SEPTIN1: variants seen among roughly 807,000 people sequenced by gnomAD.
The protein encoded by SEPTIN1 is septin 1.
In SEPTIN1, 52 loss-of-function variants were observed where a neutral mutation model predicts 50.7. That is an observed-to-expected ratio of 1.03 (90% CI 0.82 to 1.29). The LOEUF is 1.29. Ranked by LOEUF, SEPTIN1 falls within the 50% of genes most tolerant of loss-of-function variation. SEPTIN1 has a pLI of 0.00. For missense variants in SEPTIN1, 455 were observed against 490.7 expected (o/e 0.93, Z 0.69); for synonymous variants, 204 against 189.1 (o/e 1.08, Z -0.65).
chr16:30,380,945 A>G (rs1422092249), intron 6 of SEPTIN1, 182 bp downstream of exon 6: 3 of 663,086 alleles, frequency 4.5e-6, no homozygotes, highest in African/African-American at 1.8e-5. Context: ...TATGTAGCCT[A>G]TTTTGAGCCT....
rs765950053 is a variant in SEPTIN1 at position 30,381,170 on chromosome 16, G to A, written c.530C>T (p.Ala177Val). 8 of 1,613,966 alleles carry A rather than the reference G, an allele frequency of 5.0e-6. No individual in the cohort carries two copies. Among genetic ancestry groups the A allele is most frequent in the African/African-American group, 1.3e-5 (1 of 74,892 alleles). The change falls in exon 6 of 11, where the codon GCG becomes GTG. Residue 177 changes from alanine (A) to valine (V), a missense_variant. Coordinates refer to ENST00000321367, the MANE Select transcript of SEPTIN1 (RefSeq NM_001365977.2). This position sits in a 1 kb window ranked among gnomAD's most constrained non-coding sequence, Gnocchi z 4.3. Reference sequence around the variant, plus strand: ...GGTTTCCTGGGGCATCAGAGCATCCGCTTTGCCAATGACTGGGATGATGTT... The same window carrying A: ...GGTTTCCTGGGGCATCAGAGCATCCACTTTGCCAATGACTGGGATGATGTT... ...KVNIIPVIGK[A>V]DALMPQETQA...
At chr16:30,380,985 C>T in intron 6 of SEPTIN1, 142 bp downstream of exon 6, 1 of 754,882 alleles carries the variant, frequency 1.3e-6, no homozygotes, top group Non-Finnish European at 2.3e-6. Flanking sequence ...GGCGGCTTAC[C>T]ACCCGCCTTC....
In SEPTIN1 at chr16:30,381,239, C is replaced by A. The variant is rs200056893; in HGVS notation, c.461G>T (p.Arg154Leu). 2 of 1,613,944 alleles carry A rather than the reference C, an allele frequency of 1.2e-6. No homozygotes were observed. Among genetic ancestry groups the A allele is most frequent in the South Asian group, 2.2e-5 (2 of 91,076 alleles). Residue 154 changes from arginine to leucine, a missense_variant, in exon 6 of 11, where the codon CGG (arginine) becomes CTG (leucine). By Grantham distance (102) the Arg-to-Leu change is moderately radical. Coordinates refer to ENST00000321367, the MANE Select transcript of SEPTIN1 (RefSeq NM_001365977.2). This position sits in a 1 kb window ranked among gnomAD's most constrained non-coding sequence, Gnocchi z 4.3. Reference protein sequence around the residue: ...YFISPFGRGLRPLDVAFLRAV... With the variant: ...YFISPFGRGLLPLDVAFLRAV... Reference sequence around the variant, plus strand: ...CCGGAGGAAGGCCACATCTAGGGGCCGGAGCCTGCACCCAGGGATTGGTCA... The same window carrying A: ...CCGGAGGAAGGCCACATCTAGGGGCAGGAGCCTGCACCCAGGGATTGGTCA...
chr16:30,382,484 TG>T lies in SEPTIN1; in HGVS notation c.18+40del. The T allele has an allele frequency of 1.3e-6, 2 of 1,593,800 alleles. No homozygotes were observed. The highest frequency in any genetic ancestry group is 1.7e-6 in the Non-Finnish European group (2 of 1,167,022). On this transcript the variant is annotated intron_variant, in intron 1 of 10. Transcript: ENST00000321367. The surrounding 1 kb of genome is among the most constrained non-coding windows in gnomAD (Gnocchi z 4.8). ...GTCTGGGGACCCCAGGCATGGGGGC[TG>T]GGGGCCGAGATGCCCAGGTTTCTGG...
chr16:30,381,179 A>G lies in SEPTIN1; in HGVS notation c.521T>C (p.Ile174Thr). ...GGGCATCAGAGCATCCGCTTTGCCA[A>G]TGACTGGGATGATGTTGACTTTCTC... ...VHEKVNIIPVIGKADALMPQE... is the reference protein window; with the variant it reads ...VHEKVNIIPVTGKADALMPQE... Residue 174 changes from isoleucine (I) to threonine (T), a missense_variant, in exon 6 of 11, where the codon ATT becomes ACT. Transcript: ENST00000321367. This position sits in a 1 kb window ranked among gnomAD's most constrained non-coding sequence, Gnocchi z 4.3. 6.2e-7 allele frequency: 1 copy of G among 1,614,030 alleles called. No individual in the cohort carries two copies. Among genetic ancestry groups the G allele is most frequent in the Non-Finnish European group, 8.5e-7 (1 of 1,180,000 alleles).
chr16:30,381,382 G>T lies in SEPTIN1; in HGVS notation c.412C>A (p.Arg138=). ...GLNRKNIQDS[R]VHCCLYFISP... is the part of the protein sequence containing the mutation. The stretch of plus-strand genomic sequence containing the variant: ...ATGAAGTAGAGGCAGCAGTGGACTC[G>T]GGAGTCCTGGATGTTCTTCCGGTTC... The change falls in exon 5 of 11, where the codon CGA becomes AGA. Residue 138 remains arginine (R), a synonymous_variant. Coordinates refer to ENST00000321367, the MANE Select transcript of SEPTIN1 (RefSeq NM_001365977.2). This position sits in a 1 kb window ranked among gnomAD's most constrained non-coding sequence, Gnocchi z 4.3. 3 of 1,613,110 alleles carry T rather than the reference G, an allele frequency of 1.9e-6. No homozygotes were observed. Among genetic ancestry groups the T allele is most frequent in the Non-Finnish European group, 2.5e-6 (3 of 1,179,472 alleles).
In SEPTIN1 at chr16:30,378,440, G is replaced by A. The variant is rs1489794410; in HGVS notation, c.1113C>T (p.Ala371=). ...QSQAQGEQSD[A]L ...GGCCGGGCGGGGCGTGGCCTCAGAG[G>A]GCGTCTGACTGCTCGCCCTGGGCCT... Residue 371 remains alanine (A), a synonymous_variant, in exon 11 of 11, where the codon GCC becomes GCT. Coordinates refer to ENST00000321367, the MANE Select transcript of SEPTIN1 (RefSeq NM_001365977.2). 3 of 1,570,858 alleles carry A rather than the reference G, an allele frequency of 1.9e-6. No homozygotes were observed. The highest frequency in any genetic ancestry group is 2.0e-5 in the Admixed American group (1 of 49,996).
intron 9 of SEPTIN1, 148 bp downstream of exon 9, chr16:30,378,870 C>CGGAGAGAG: frequency 4.4e-5 from 5 of 114,420 alleles, no homozygotes; most frequent in Admixed American, 2.1e-4. Context: ...GAGGGAGAGA[C>CGGAGAGAG]GGAGAGAGGG....
chr16:30,381,953 C>A lies in SEPTIN1; in HGVS notation c.197-70G>T. 1 of 1,607,856 alleles carries A rather than the reference C, an allele frequency of 6.2e-7. No homozygotes were observed. The highest frequency in any genetic ancestry group is 1.7e-5 in the Admixed American group (1 of 59,636). On this transcript the variant is annotated intron_variant, in intron 3 of 10. Transcript: ENST00000321367. The surrounding 1 kb of genome is among the most constrained non-coding windows in gnomAD (Gnocchi z 4.3). ...CAGAATTAATTTCCTTTGTCAATAT[C>A]ACAGTTGCCTGCACCCATTTCCCAG... is the stretch of plus-strand genomic sequence containing the variant.
upstream of SEPTIN1, chr16:30,382,776 A>G: frequency 6.5e-7 from 1 of 1,535,892 alleles, no homozygotes; most frequent in Non-Finnish European, 8.7e-7. The surrounding 1 kb of genome is among the most constrained non-coding windows in gnomAD (Gnocchi z 4.8). Flanking sequence ...TCCAAGTCCC[A>G]CTGTAGCTCC....
Position 30,378,594 on chromosome 16 carries a change from C to A in SEPTIN1, c.1032+16G>T, listed in dbSNP as rs377366007. Reference sequence around the variant, plus strand: ...ACCTGGGGCATCGGTCGGGGGGAAGCGAGGTGCGTGCTCACCTCTTCGTCT... The same window carrying A: ...ACCTGGGGCATCGGTCGGGGGGAAGAGAGGTGCGTGCTCACCTCTTCGTCT... On this transcript the variant is annotated intron_variant, in intron 10 of 10. Coordinates refer to ENST00000321367, the MANE Select transcript of SEPTIN1 (RefSeq NM_001365977.2). 94 of 1,610,350 alleles carry A rather than the reference C, an allele frequency of 5.8e-5. No individual in the cohort carries two copies. Among genetic ancestry groups the A allele is most frequent in the Non-Finnish European group, 7.6e-5 (90 of 1,179,298 alleles).
rs750788967 is a variant in SEPTIN1 at position 30,381,465 on chromosome 16, G to A, written c.329C>T (p.Pro110Leu). 9 of 1,614,036 alleles carry A rather than the reference G, an allele frequency of 5.6e-6. No individual in the cohort carries two copies. The highest frequency in any genetic ancestry group is 3.3e-5 in the South Asian group (3 of 91,076). The stretch of plus-strand genomic sequence containing the variant: ...TTGCTCCTCGATGAATTTCACCACC[G>A]GAAGCCAGCTGGGTGTGGGGAGAGG... ...DSVDCSDCWL[P>L]VVKFIEEQFE... is the part of the protein sequence containing the mutation. The change falls in exon 5 of 11, where the codon CCG becomes CTG. Residue 110 changes from proline (P) to leucine (L), a missense_variant. Pro to Leu is a moderately conservative substitution (Grantham distance 98). Transcript: ENST00000321367. The surrounding 1 kb of genome is among the most constrained non-coding windows in gnomAD (Gnocchi z 4.3).
At chr16:30,382,692 T>C (rs779015437), upstream of SEPTIN1, 1 of 1,532,498 alleles carries the variant, frequency 6.5e-7, no homozygotes. The surrounding 1 kb of genome is among the most constrained non-coding windows in gnomAD (Gnocchi z 4.8). Flanking sequence ...ACACTTGGGG[T>C]TGCCACCTCC....
chr16:30,378,346 C>A lies in SEPTIN1; in HGVS notation c.*88G>T. 2 of 1,294,760 alleles carry A rather than the reference C, an allele frequency of 1.5e-6. No homozygotes were observed. The highest frequency in any genetic ancestry group is 1.4e-5 in the South Asian group (1 of 70,512). 80.2% of individuals were successfully genotyped at this position (1,294,760 alleles called of 1,614,324 possible). A position where few individuals can be genotyped will look rare whatever the true frequency, so the allele number is the denominator to read the frequency against. The stretch of plus-strand genomic sequence containing the variant: ...GCGAGGGCGGCACCCGCGGAGGTCC[C>A]GGGGGGCGCTGGGCAGTGTGGGGCG... On this transcript the variant is annotated 3_prime_UTR_variant, in exon 11 of 11. Coordinates refer to ENST00000321367, the MANE Select transcript of SEPTIN1 (RefSeq NM_001365977.2).
chr16:30,378,754 G>A (rs2094064415), intron 9 of SEPTIN1, 54 bp from the exon 10 acceptor site: 2 of 1,550,568 alleles, frequency 1.3e-6, no homozygotes, highest in East Asian at 2.3e-5. Context: ...GAGGTTGTGG[G>A]TGAGGCCCAG....
In SEPTIN1 at chr16:30,382,302, C is replaced by G; in HGVS notation, c.82G>C (p.Gly28Arg). The G allele has an allele frequency of 1.2e-6, 2 of 1,613,872 alleles. No homozygotes were observed. Among genetic ancestry groups the G allele is most frequent in the Non-Finnish European group, 1.7e-6 (2 of 1,179,850 alleles). Residue 28 changes from glycine to arginine, a missense_variant, in exon 2 of 11, where the codon GGG becomes CGG. Physicochemically the swap from Gly to Arg is moderately radical, Grantham distance 125. Transcript: ENST00000321367. This position sits in a 1 kb window ranked among gnomAD's most constrained non-coding sequence, Gnocchi z 4.8. ...GCCACCATTAGCGTGAAGTCAAACC[C>G]CTTCTTGACAGACTTGCGGTGCAGC... ...NQLHRKSVKKGFDFTLMVAGE... is the reference protein window; with the variant it reads ...NQLHRKSVKKRFDFTLMVAGE...
intron 6 of SEPTIN1, 176 bp from the exon 7 acceptor site, chr16:30,380,209 T>C (rs535625909): frequency 1.2e-4 from 53 of 430,788 alleles, no homozygotes; most frequent in African/African-American, 9.8e-4. Flanking sequence ...CTCAGAGACA[T>C]AGATGGTGAG....
Position 30,381,759 on chromosome 16 carries a change from CCAGT to C in SEPTIN1, c.317_320del (p.Asp106AlafsTer6). ...CCTCTGTCCCCTTTCCTCTTCCTCA[CCAGT>C]CAGAGCAGTCCACTGAGTCCCCAAA... On this transcript the variant is annotated frameshift_variant and splice_region_variant, in exon 4 of 11. Coordinates refer to ENST00000321367, the MANE Select transcript of SEPTIN1 (RefSeq NM_001365977.2). LOFTEE classifies it high-confidence loss of function. The surrounding 1 kb of genome is among the most constrained non-coding windows in gnomAD (Gnocchi z 4.3). The C allele has an allele frequency of 6.2e-7, 1 of 1,613,820 alleles. No homozygotes were observed. Among genetic ancestry groups the C allele is most frequent in the Non-Finnish European group, 8.5e-7 (1 of 1,179,894 alleles).
Position 30,379,490 on chromosome 16 carries a change from C to T in SEPTIN1, c.720G>A (p.Arg240=), listed in dbSNP as rs758591486. The T allele has an allele frequency of 5.6e-6, 9 of 1,613,960 alleles. No homozygotes were observed. Among genetic ancestry groups the T allele is most frequent in the Non-Finnish European group, 6.8e-6 (8 of 1,179,990 alleles). The change falls in exon 8 of 11, where the codon AGG becomes AGA. Residue 240 remains arginine (R), a synonymous_variant. Coordinates refer to ENST00000321367, the MANE Select transcript of SEPTIN1 (RefSeq NM_001365977.2). The part of the protein sequence containing the change: ...FAVVGSCEVV[R]DGGNRPVRGR... ...CCCTCACCGGCCGGTTCCCGCCATC[C>T]CTCACCACCTCGCATGATCCCACGA... is the stretch of plus-strand genomic sequence containing the variant.
Sources: allele counts gnomAD v4.1 joint callset, GRCh38; gene constraint gnomAD v4.1.1; non-coding constraint Gnocchi (gnomAD v3.1); transcripts MANE v1.5; gene names NCBI Gene and HGNC (gene_info 2026-07-23, HGNC 2026-07-21).